Variants in AP3S2 observed in about 807,000 individuals in gnomAD.
AP3S2 encodes AP-3 complex subunit sigma-2.
In AP3S2, 22 loss-of-function variants were observed where a neutral mutation model predicts 23.4. The observed-to-expected ratio is 0.94, with a 90% CI of 0.67 to 1.34. The LOEUF is 1.34. AP3S2 is among the 40% of genes most tolerant of loss of function. The pLI is 0.00. For synonymous variants in AP3S2, 86 were observed against 87.1 expected (o/e 0.99, Z 0.07); for missense variants, 241 against 236.9 (o/e 1.02, Z -0.11).
intron 4 of AP3S2, among the ~76,000 whole-genome samples, chr15:89,864,869 C>G (rs1896082557): frequency 6.6e-6 from 1 of 152,014 alleles, no homozygotes; most frequent in Non-Finnish European, 1.5e-5. Context: ...AAATCACAGG[C>G]AGACAACCTC....
chr15:89,853,942 T>C (rs1300926845), intron 4 of AP3S2, among the ~76,000 whole-genome samples: 2 of 30,982 alleles, frequency 6.5e-5, no homozygotes, highest in Non-Finnish European at 6.2e-5. Context: ...GTGAGGAGCC[T>C]CTCCGCCCGG....
At chr15:89,872,346 A>C (rs1567183617) in intron 3 of AP3S2, among the ~76,000 whole-genome samples, 1 of 152,112 alleles carries the variant, frequency 6.6e-6, no homozygotes, top group African/African-American at 2.4e-5. Flanking sequence ...CCTATGAATA[A>C]ATTTAATTGA....
At chr15:89,846,760 T>C (rs1187553670) in intron 4 of AP3S2, among the ~76,000 whole-genome samples, 3 of 152,186 alleles carry the variant, frequency 2.0e-5, no homozygotes, top group Admixed American at 6.5e-5. Flanking sequence ...TCTCCTGACC[T>C]TGTGATCCGC....
intron 4 of AP3S2, among the ~76,000 whole-genome samples, chr15:89,859,642 G>A (rs548067660): frequency 1.0e-3 from 154 of 151,334 alleles, no homozygotes; most frequent in African/African-American, 3.4e-3. Context: ...TGAGCCACCC[G>A]CCTTGACCTC....
Position 89,856,983 on chromosome 15 carries a change from A to G in AP3S2, c.345+14492T>C, listed in dbSNP as rs555673599. 2.6e-5 allele frequency among the ~76,000 whole-genome samples: 4 copies of G among 152,306 alleles called. No individual in the cohort carries two copies. In the South Asian group the frequency reaches 8.3e-4, roughly 32 times the overall value. ...TCTGACTGTCCTGTATTGTTTGGATAACCAACAAAGTATTACATACTGACA... is the reference window on the plus strand; with the variant it reads ...TCTGACTGTCCTGTATTGTTTGGATGACCAACAAAGTATTACATACTGACA... On this transcript the variant is annotated intron_variant, in intron 4 of 5. Transcript: ENST00000336418.
chr15:89,864,776 A>C (rs1896079978), intron 4 of AP3S2, among the ~76,000 whole-genome samples: 1 of 152,124 alleles, frequency 6.6e-6, no homozygotes, highest in Admixed American at 6.6e-5. Flanking sequence ...TCCTGACCTA[A>C]GTTGACCCAC....
intron 1 of AP3S2, among the ~76,000 whole-genome samples, chr15:89,892,110 T>C (rs1459410755): frequency 1.3e-5 from 2 of 152,166 alleles, no homozygotes; most frequent in Non-Finnish European, 2.9e-5. Context: ...TTATACTACA[T>C]GAAACATGGC....
chr15:89,858,514 AGAGAG>A, intron 4 of AP3S2, among the ~76,000 whole-genome samples: 1 of 49,878 alleles, frequency 2.0e-5, no homozygotes, highest in Non-Finnish European at 4.3e-5. Context: ...AGAGAGAGAG[AGAGAG>A]AGAGAGAAAG....
rs747266817 is a variant in AP3S2, at chr15:89,837,682, A to G, written c.386T>C (p.Val129Ala). The G allele has an allele frequency of 8.7e-6, 14 of 1,614,048 alleles. No individual in the cohort carries two copies. The highest frequency in any genetic ancestry group is 9.3e-6 in the Non-Finnish European group (11 of 1,180,038). ...ILQEVVMGGM[V>A]LETNMNEIVA... Reference sequence around the variant, plus strand: ...GATTTCATTCATGTTTGTTTCCAACACCATCCCACCCATCACCACCTCCTG... The same window carrying G: ...GATTTCATTCATGTTTGTTTCCAACGCCATCCCACCCATCACCACCTCCTG... Residue 129 changes from valine (V) to alanine (A), a missense_variant, in exon 5 of 6, where the codon GTG becomes GCG. Val to Ala is a moderately conservative substitution (Grantham distance 64). Transcript: ENST00000336418.
At position 89,835,425 on chromosome 15, in the gene AP3S2, A is replaced by G. The variant is rs1895164112; in HGVS notation, c.*90T>C. 4.4e-6 allele frequency: 7 copies of G among 1,573,858 alleles called. No individual in the cohort carries two copies. In the Admixed American group the frequency reaches 1.1e-4, roughly 25 times the overall value. On this transcript the variant is annotated 3_prime_UTR_variant, in exon 6 of 6. Transcript: ENST00000336418. ...CCAGGTCCTGAGGCTTGACTCTTCT[A>G]AGGCTCAAAATGGGTTCTGTTTCCA...
intron 3 of AP3S2, among the ~76,000 whole-genome samples, chr15:89,883,648 G>T (rs1239450242): frequency 6.6e-6 from 1 of 151,876 alleles, no homozygotes; most frequent in Non-Finnish European, 1.5e-5. Flanking sequence ...CAAAGGGTTG[G>T]GACTATAGGT....
At chr15:89,844,213 T>C (rs868529652) in intron 4 of AP3S2, among the ~76,000 whole-genome samples, 15 of 9,742 alleles carry the variant, frequency 1.5e-3, no homozygotes, top group East Asian at 6.2e-3. Flanking sequence ...TTCTTTCTCT[T>C]TCTTTCTTTC....
intron 3 of AP3S2, among the ~76,000 whole-genome samples, chr15:89,879,890 CAA>C (rs1896530880): frequency 6.6e-6 from 1 of 151,418 alleles, no homozygotes; most frequent in South Asian, 2.1e-4. Context: ...CTCTGGGCGA[CAA>C]GAGTGAGACT....
At chr15:89,879,893 G>A (rs1896530944) in intron 3 of AP3S2, among the ~76,000 whole-genome samples, 1 of 151,734 alleles carries the variant, frequency 6.6e-6, no homozygotes, top group Non-Finnish European at 1.5e-5. Context: ...TGGGCGACAA[G>A]AGTGAGACTC....
rs1172674452 is a variant in AP3S2 at position 89,835,581 on chromosome 15, C to T, written c.516G>A (p.Glu172=). The part of the protein sequence containing the change: ...VSAVKNINLP[E]IPRNINIGDL... ...CGCCAATGTTGATGTTCCGAGGAAT[C>T]TCTGGCAGGTTGATGTTTTTCACAG... The change falls in exon 6 of 6, where the codon GAG becomes GAA. Residue 172 remains glutamate (E), a synonymous_variant. Transcript: ENST00000336418. The T allele has an allele frequency of 6.2e-7, 1 of 1,613,612 alleles. No homozygotes were observed.
At chr15:89,847,705 A>G (rs1895531216) in intron 4 of AP3S2, among the ~76,000 whole-genome samples, 1 of 152,226 alleles carries the variant, frequency 6.6e-6, no homozygotes, top group East Asian at 1.9e-4. Flanking sequence ...AGGCATAAGC[A>G]AGGTATTTAA....
At chr15:89,872,175 C>A (rs1323234092) in intron 3 of AP3S2, among the ~76,000 whole-genome samples, 3 of 150,130 alleles carry the variant, frequency 2.0e-5, no homozygotes, top group East Asian at 2.0e-4. Flanking sequence ...ATTAAAAAAA[C>A]CAACTACTTA....
intron 5 of AP3S2, 77 bp downstream of exon 5, chr15:89,837,538 C>T: frequency 5.8e-6 from 9 of 1,554,196 alleles, no homozygotes; most frequent in South Asian, 1.1e-5. Flanking sequence ...GCAACACAAA[C>T]CAACACATGT....
intron 3 of AP3S2, among the ~76,000 whole-genome samples, chr15:89,887,035 A>G (rs1896716732): frequency 6.6e-6 from 1 of 152,166 alleles, no homozygotes. Context: ...GCCTCAAGTG[A>G]TCCACCCACC....
Sources: allele counts gnomAD v4.1 joint callset (sites outside exome capture counted in the v4.1 genomes callset), GRCh38; gene constraint gnomAD v4.1.1; transcripts MANE v1.5; gene names NCBI Gene and HGNC (gene_info 2026-07-23, HGNC 2026-07-21).